Variants in CDH13 observed in about 807,000 individuals in gnomAD.
The protein encoded by CDH13 is cadherin 13.
Under a neutral mutation model 63.8 loss-of-function variants are expected in CDH13, and 24 were observed. The ratio of observed to expected loss-of-function variants is 0.38; its 90% CI spans 0.27 to 0.53. The LOEUF (loss-of-function observed/expected upper bound fraction) is 0.53. Ranked by LOEUF, CDH13 falls within the 20% of genes least tolerant of loss-of-function variation. The pLI, the probability that CDH13 is intolerant of heterozygous loss-of-function variation, is 0.85. For synonymous variants in CDH13, 503 were observed against 355.3 expected (o/e 1.42, Z -4.67); for missense variants, 1,049 against 903.1 (o/e 1.16, Z -2.07).
chr16:83,034,708 A>G (rs541803603), intron 3 of CDH13, among the ~76,000 whole-genome samples: 8 of 152,180 alleles, frequency 5.3e-5, no homozygotes, highest in East Asian at 1.9e-4. Flanking sequence ...CTGTCATCGT[A>G]TTTTGCTTCA....
chr16:82,842,399 G>A lies in CDH13; in HGVS notation c.46-15963G>A, dbSNP rs544995299. ...AATTTCAAGTCCTTGGGAGTTCAAGGCCTATCCTCATTTGTAGTTCTTCAC... is the reference window on the plus strand; with the variant it reads ...AATTTCAAGTCCTTGGGAGTTCAAGACCTATCCTCATTTGTAGTTCTTCAC... On this transcript the variant is annotated intron_variant, in intron 1 of 13. Coordinates refer to ENST00000567109, the MANE Select transcript of CDH13 (RefSeq NM_001257.5). Among the ~76,000 whole-genome samples the A allele has an allele frequency of 7.3e-5, 11 of 151,488 alleles. No individual in the cohort carries two copies. The East Asian group carries it at 2.0e-3, about 27-fold the overall frequency.
intron 11 of CDH13, among the ~76,000 whole-genome samples, chr16:83,764,817 A>G (rs1268308886): frequency 6.6e-6 from 1 of 151,734 alleles, no homozygotes; most frequent in Non-Finnish European, 1.5e-5. Context: ...CCTTCCCTGA[A>G]GCCCTCGCAA....
At chr16:83,387,910 G>C (rs895095903) in intron 6 of CDH13, among the ~76,000 whole-genome samples, 2 of 152,172 alleles carry the variant, frequency 1.3e-5, no homozygotes, top group Non-Finnish European at 2.9e-5. Flanking sequence ...TTAACACAAA[G>C]GACTTGAGTA....
chr16:82,627,201 G>A (rs1484194519), intron 1 of CDH13, 64 bp downstream of exon 1: 1 of 1,459,880 alleles, frequency 6.8e-7, no homozygotes, highest in Non-Finnish European at 9.4e-7. Flanking sequence ...CGCCCGGCAC[G>A]GGCAGGGTGA....
intron 1 of CDH13, among the ~76,000 whole-genome samples, chr16:82,662,295 A>G (rs1465731133): frequency 6.8e-6 from 1 of 147,096 alleles, no homozygotes; most frequent in Non-Finnish European, 1.5e-5. Flanking sequence ...AAGGATGCAC[A>G]CCAAATTGTC....
chr16:83,461,715 G>A (rs2073186439), intron 6 of CDH13, among the ~76,000 whole-genome samples: 1 of 152,180 alleles, frequency 6.6e-6, no homozygotes, highest in Non-Finnish European at 1.5e-5. Context: ...TTTGAATAGA[G>A]AGTTGACAAA....
chr16:82,809,113 T>C (rs1422139712), intron 1 of CDH13, among the ~76,000 whole-genome samples: 2 of 152,130 alleles, frequency 1.3e-5, no homozygotes, highest in Non-Finnish European at 2.9e-5. Context: ...TCTAAGATCC[T>C]GCCAAATTAT....
At chr16:83,087,424 C>G (rs1023910122) in intron 3 of CDH13, among the ~76,000 whole-genome samples, 4 of 152,126 alleles carry the variant, frequency 2.6e-5, no homozygotes, top group African/African-American at 7.2e-5. Flanking sequence ...AATCCCAGCA[C>G]TTTGAGAGGC....
intron 5 of CDH13, among the ~76,000 whole-genome samples, chr16:83,271,235 C>G (rs2088797502): frequency 6.6e-6 from 1 of 151,532 alleles, no homozygotes; most frequent in Non-Finnish European, 1.5e-5. Flanking sequence ...TGTATCCTTT[C>G]TGGATGAAGT....
At chr16:82,965,367 G>C in intron 2 of CDH13, among the ~76,000 whole-genome samples, 1 of 152,064 alleles carries the variant, frequency 6.6e-6, no homozygotes, top group East Asian at 1.9e-4. Context: ...TTTTTAGTTT[G>C]GTTTTATTCT....
At chr16:83,785,830 G>A (rs114833661) in intron 13 of CDH13, among the ~76,000 whole-genome samples, 1 of 152,100 alleles carries the variant, frequency 6.6e-6, no homozygotes, top group Non-Finnish European at 1.5e-5. Flanking sequence ...AGCCTCACCA[G>A]GTGGTCCGAA....
At chr16:83,600,129 T>G (rs1355815916) in intron 7 of CDH13, among the ~76,000 whole-genome samples, 1 of 152,248 alleles carries the variant, frequency 6.6e-6, no homozygotes, top group East Asian at 1.9e-4. Flanking sequence ...ACCAGAATTC[T>G]TGAACCAGGC....
At position 83,711,075 on chromosome 16, in the gene CDH13, C is replaced by A. The variant is rs1907968642; in HGVS notation, c.1538+32614C>A. Among the ~76,000 whole-genome samples the A allele has an allele frequency of 2.0e-5, 3 of 152,192 alleles. 1 individual carries two copies. Among genetic ancestry groups the A allele is most frequent in the South Asian group, 2.1e-4 (1 of 4,826 alleles). On this transcript the variant is annotated intron_variant, in intron 10 of 13. Coordinates refer to ENST00000567109, the MANE Select transcript of CDH13 (RefSeq NM_001257.5). ...AGAGGTGCCTTGCTACACGCCACCA[C>A]CTTGGGGCAGGTGCCACTGGACAGT...
chr16:83,512,860 G>T (rs1026312957), intron 7 of CDH13, among the ~76,000 whole-genome samples: 1 of 151,874 alleles, frequency 6.6e-6, no homozygotes, highest in Non-Finnish European at 1.5e-5. Flanking sequence ...TTGGAACCCT[G>T]GGAGGTGGCA....
At chr16:83,460,909 C>T (rs2073159978) in intron 6 of CDH13, among the ~76,000 whole-genome samples, 1 of 150,880 alleles carries the variant, frequency 6.6e-6, no homozygotes, top group Admixed American at 6.6e-5. Context: ...GATGCTTAAG[C>T]CTGGGCAGTC....
intron 8 of CDH13, among the ~76,000 whole-genome samples, chr16:83,622,811 T>A (rs1440912482): frequency 2.0e-5 from 3 of 152,240 alleles, no homozygotes; most frequent in African/African-American, 7.2e-5. Context: ...TTGTTCTGAG[T>A]TAGCAGGGTT....
At chr16:83,648,444 C>T (rs1406770619) in intron 8 of CDH13, among the ~76,000 whole-genome samples, 1 of 152,124 alleles carries the variant, frequency 6.6e-6, no homozygotes, top group East Asian at 1.9e-4. Flanking sequence ...CGTGACTTGC[C>T]AGAATCCTTC....
intron 2 of CDH13, among the ~76,000 whole-genome samples, chr16:82,923,003 T>C (rs2151283445): frequency 6.6e-6 from 1 of 152,296 alleles, no homozygotes; most frequent in South Asian, 2.1e-4. Context: ...CTCTTAAGTG[T>C]GCAATAGCAT....
intron 1 of CDH13, among the ~76,000 whole-genome samples, chr16:82,664,378 C>G (rs183680721): frequency 2.6e-5 from 4 of 152,312 alleles, no homozygotes; most frequent in Admixed American, 1.3e-4. Context: ...ATGGCAGTGC[C>G]TGGTGCCTGA....
Sources: allele counts gnomAD v4.1 joint callset (sites outside exome capture counted in the v4.1 genomes callset), GRCh38; gene constraint gnomAD v4.1.1; transcripts MANE v1.5; gene names NCBI Gene and HGNC (gene_info 2026-07-23, HGNC 2026-07-21).